PM20D2: variants seen among roughly 807,000 people sequenced by gnomAD.
PM20D2 encodes the protein peptidase M20 domain containing 2.
In PM20D2, 33 loss-of-function variants were observed where a neutral mutation model predicts 42.9. That is an observed-to-expected ratio of 0.77 (90% CI 0.58 to 1.03). PM20D2 has a LOEUF of 1.03. Among genes scored for constraint, PM20D2 ranks in the 50% least tolerant of loss-of-function variants. The pLI is 0.00. For missense variants in PM20D2, 548 were observed against 557.0 expected, an observed-to-expected ratio of 0.98 and a Z score of 0.16; for synonymous variants, 250 against 228.2, an observed-to-expected ratio of 1.10 and a Z score of -0.86.
At chr6:89,136,899 T>A in the PM20D2 span, among the ~76,000 whole-genome samples, 2 of 151,076 alleles carry the variant, frequency 1.3e-5, no homozygotes, top group African/African-American at 5.0e-5. Context: ...TGGAAGCCAT[T>A]ACTACAGTGT....
chr6:89,111,840 G>GT, the PM20D2 span, among the ~76,000 whole-genome samples: 1 of 151,994 alleles, frequency 6.6e-6, no homozygotes, highest in Admixed American at 6.6e-5. Context: ...TTGTGTTTTT[G>GT]TTTTTGGAGA....
At chr6:89,107,020 T>C in the PM20D2 span, 2 of 953,848 alleles carry the variant, frequency 2.1e-6, no homozygotes, top group Non-Finnish European at 3.3e-6. Context: ...TGGACTGCTT[T>C]AGATCTTCTG....
At chr6:89,153,536 T>TA (rs747555967) in intron 3 of PM20D2, among the ~76,000 whole-genome samples, 2 of 152,114 alleles carry the variant, frequency 1.3e-5, no homozygotes, top group Admixed American at 1.3e-4. Flanking sequence ...TTTTGTCAAT[T>TA]AAAAAAAGGT....
chr6:89,101,689 C>T, the PM20D2 span, among the ~76,000 whole-genome samples: 2 of 130,558 alleles, frequency 1.5e-5, no homozygotes, highest in African/African-American at 5.4e-5. Context: ...CAGAGTGAGA[C>T]TCTGTCTCAA....
At chr6:89,160,011 G>T (rs1771182790) in intron 5 of PM20D2, among the ~76,000 whole-genome samples, 1 of 152,060 alleles carries the variant, frequency 6.6e-6, no homozygotes, top group Non-Finnish European at 1.5e-5. Flanking sequence ...TGGGCTCTAG[G>T]GTCTAGTTCC....
At chr6:89,139,095 TG>T in the PM20D2 span, among the ~76,000 whole-genome samples, 2 of 152,162 alleles carry the variant, frequency 1.3e-5, no homozygotes, top group South Asian at 2.1e-4. Flanking sequence ...TTTTAATCTT[TG>T]CTTTTTTTTT....
the PM20D2 span, among the ~76,000 whole-genome samples, chr6:89,104,531 C>T: frequency 0.08 from 12,174 of 151,978 alleles, 1,234 homozygotes; most frequent in African/African-American, 0.24. Flanking sequence ...CCACTGCACG[C>T]GGCTGAGTAT....
chr6:89,113,561 G>A, the PM20D2 span, among the ~76,000 whole-genome samples: 8 of 152,046 alleles, frequency 5.3e-5, no homozygotes, highest in Non-Finnish European at 8.8e-5. Flanking sequence ...CACGTGCCTC[G>A]GCCTCCCAAA....
intron 1 of PM20D2, among the ~76,000 whole-genome samples, chr6:89,147,818 A>G (rs1051548554): frequency 4.7e-5 from 7 of 150,360 alleles, no homozygotes; most frequent in Admixed American, 4.0e-4. Context: ...GCTTGAACCC[A>G]GGAGGCAGAG....
At chr6:89,118,045 A>C in the PM20D2 span, 1 of 522,784 alleles carries the variant, frequency 1.9e-6, no homozygotes, top group Non-Finnish European at 2.8e-6. Flanking sequence ...AGGCCGGCGC[A>C]GAGGGGGCGC....
rs1582335352 is a variant in PM20D2 at position 89,149,267 on chromosome 6, A to G, written c.468A>G (p.Val156=). Residue 156 remains valine, a splice_region_variant and synonymous_variant, in exon 2 of 7, where the codon GTA becomes GTG. Transcript: ENST00000275072. ...GLPRPPPPVK[V]VVLGTPAEED... ...CTGACATGAGTATTTCCTTCTAGGT[A>G]GTTGTCCTGGGAACCCCTGCAGAAG... 1 of 1,613,542 alleles carries G rather than the reference A, an allele frequency of 6.2e-7. No homozygotes were observed. The highest frequency in any genetic ancestry group is 8.5e-7 in the Non-Finnish European group (1 of 1,179,776).
chr6:89,103,707 G>A, the PM20D2 span, among the ~76,000 whole-genome samples: 6 of 151,882 alleles, frequency 4.0e-5, no homozygotes, highest in African/African-American at 1.2e-4. Flanking sequence ...TAATCCACCC[G>A]CCTTGGCCTC....
In PM20D2 at chr6:89,146,342, C is replaced by T. The variant is rs1770549754; in HGVS notation, c.198C>T (p.Phe66=). The T allele has an allele frequency of 6.4e-7, 1 of 1,563,492 alleles. No individual in the cohort carries two copies. The highest frequency in any genetic ancestry group is 8.6e-7 in the Non-Finnish European group (1 of 1,162,986). The change falls in exon 1 of 7, where the codon TTC becomes TTT. Residue 66 remains phenylalanine (F), a synonymous_variant. Coordinates refer to ENST00000275072, the MANE Select transcript of PM20D2 (RefSeq NM_001010853.3). ...CCCACCGCGTGCTGACGCACTTCTT[C>T]GAGCGGGAGCCGCCCGCGGCCTCCT... ...HHAHRVLTHF[F]EREPPAASWA... is the part of the protein sequence containing the mutation.
chr6:89,152,973 C>G, intron 2 of PM20D2, 70 bp from the exon 3 acceptor site: 3 of 1,324,058 alleles, frequency 2.3e-6, no homozygotes, highest in South Asian at 1.5e-5. Flanking sequence ...TTGGGTAATT[C>G]TGACTACCTG....
In PM20D2 at chr6:89,158,312, A is replaced by C; in HGVS notation, c.913-13A>C. The stretch of plus-strand genomic sequence containing the variant: ...TTTTTTATTTCAAAATTTGTTTTGC[A>C]ATTTTTTATTAGGTGGAAATTAAAG... On this transcript the variant is annotated splice_polypyrimidine_tract_variant and intron_variant, in intron 4 of 6. Transcript: ENST00000275072. The C allele has an allele frequency of 1.3e-6, 2 of 1,564,004 alleles. No homozygotes were observed. Among genetic ancestry groups the C allele is most frequent in the Non-Finnish European group, 1.7e-6 (2 of 1,161,548 alleles).
chr6:89,104,223 CTTTTT>C, the PM20D2 span, among the ~76,000 whole-genome samples: 232 of 123,512 alleles, frequency 1.9e-3, no homozygotes, highest in Middle Eastern at 4.3e-3. Context: ...AACTCATCAC[CTTTTT>C]TTTTTTTTTT....
At chr6:89,136,899 T>C in the PM20D2 span, among the ~76,000 whole-genome samples, 1 of 151,076 alleles carries the variant, frequency 6.6e-6, no homozygotes, top group Non-Finnish European at 1.5e-5. Context: ...TGGAAGCCAT[T>C]ACTACAGTGT....
At chr6:89,155,568 G>A (rs1252515448) in intron 4 of PM20D2, among the ~76,000 whole-genome samples, 1 of 152,044 alleles carries the variant, frequency 6.6e-6, no homozygotes, top group Non-Finnish European at 1.5e-5. Flanking sequence ...GGGATTATAG[G>A]CATGAACCAC....
rs1261056293 is a variant in PM20D2, at chr6:89,146,079, G to C, written c.-66G>C. 1.5e-6 allele frequency: 2 copies of C among 1,320,510 alleles called. No homozygotes were observed. The highest frequency in any genetic ancestry group is 1.9e-6 in the Non-Finnish European group (2 of 1,029,340). The allele number at this position is 1,320,510 out of a possible 1,614,324, so 81.8% of individuals were successfully genotyped here. A position where few individuals can be genotyped will look rare whatever the true frequency, so the allele number is the denominator to read the frequency against. On this transcript the variant is annotated 5_prime_UTR_variant, in exon 1 of 7. Transcript: ENST00000275072. ...CCTGGAGGCCTCTGGGCGCGTGCGCGGGCGGTCGCTACCTGCGGCCGAGCC... is the reference window on the plus strand; with the variant it reads ...CCTGGAGGCCTCTGGGCGCGTGCGCCGGCGGTCGCTACCTGCGGCCGAGCC...
Sources: allele counts gnomAD v4.1 joint callset (sites outside exome capture counted in the v4.1 genomes callset), GRCh38; gene constraint gnomAD v4.1.1; transcripts MANE v1.5; gene names NCBI Gene and HGNC (gene_info 2026-07-23, HGNC 2026-07-21).